Variants in CSMD1 observed in about 807,000 individuals in gnomAD.
CSMD1 encodes the protein CUB and Sushi multiple domains 1.
CSMD1 carries 213 observed loss-of-function variants against 417.5 expected under a neutral mutation model. The ratio of observed to expected loss-of-function variants is 0.51; its 90% CI spans 0.46 to 0.57. CSMD1 has a LOEUF of 0.57. Among genes scored for constraint, CSMD1 ranks in the 20% least tolerant of loss-of-function variants. CSMD1 has a pLI of 0.00. For missense variants in CSMD1, 6,923 were observed against 4,529.7 expected (o/e 1.53, Z -15.17); for synonymous variants, 2,862 against 1,736.8 (o/e 1.65, Z -16.11).
At chr8:4,906,704 A>G (rs1805304450) in intron 1 of CSMD1, among the ~76,000 whole-genome samples, 1 of 152,014 alleles carries the variant, frequency 6.6e-6, no homozygotes, top group African/African-American at 2.4e-5. Flanking sequence ...CTACAGGCGC[A>G]TGCCACCATG....
rs1204600075 is a variant in CSMD1, at chr8:4,653,264, G to C, written c.86-15706C>G. On this transcript the variant is annotated intron_variant, in intron 1 of 69. Coordinates refer to ENST00000635120, the MANE Select transcript of CSMD1 (RefSeq NM_033225.6). ...TCGGGCTCCTATAAAGGAGTGATTG[G>C]ATCCACAGACTCCCAAGTAACTGAA... 2.0e-5 allele frequency among the ~76,000 whole-genome samples: 3 copies of C among 152,210 alleles called. No homozygotes were observed. In the East Asian group the frequency reaches 5.8e-4, roughly 29 times the overall value.
chr8:3,131,078 T>C (rs1437734341), intron 41 of CSMD1, among the ~76,000 whole-genome samples: 2 of 152,160 alleles, frequency 1.3e-5, no homozygotes, highest in Non-Finnish European at 2.9e-5. Context: ...AATAAGTTTC[T>C]CAAACTAATG....
chr8:3,360,400 C>T (rs1356507148), intron 20 of CSMD1, among the ~76,000 whole-genome samples: 1 of 152,216 alleles, frequency 6.6e-6, no homozygotes, highest in Non-Finnish European at 1.5e-5. Context: ...CTGGCTGTCA[C>T]CAGCCTCTTG....
At chr8:3,449,640 C>T (rs1029501239) in intron 12 of CSMD1, among the ~76,000 whole-genome samples, 2 of 152,018 alleles carry the variant, frequency 1.3e-5, no homozygotes, top group Non-Finnish European at 2.9e-5. Context: ...GCCTCAGCCT[C>T]CCAAGTAGCT....
At chr8:4,330,042 C>G (rs1469786712) in intron 3 of CSMD1, among the ~76,000 whole-genome samples, 4 of 152,172 alleles carry the variant, frequency 2.6e-5, no homozygotes, top group Non-Finnish European at 4.4e-5. Flanking sequence ...AATTAAACCT[C>G]TTTTCTTCAT....
chr8:3,184,949 G>C (rs1003784500), intron 36 of CSMD1, among the ~76,000 whole-genome samples: 1 of 152,154 alleles, frequency 6.6e-6, no homozygotes, highest in Admixed American at 6.5e-5. Flanking sequence ...CTACCACTTT[G>C]TTTTCAAGGT....
At chr8:4,246,919 C>G (rs1802748134) in intron 3 of CSMD1, among the ~76,000 whole-genome samples, 2 of 152,112 alleles carry the variant, frequency 1.3e-5, no homozygotes, top group African/African-American at 4.8e-5. Context: ...TTCAAAAAAT[C>G]TTTGTAAGAG....
Position 4,132,229 on chromosome 8 carries a change from T to C in CSMD1, c.416-100130A>G, listed in dbSNP as rs1455759891. On this transcript the variant is annotated intron_variant, in intron 3 of 69. Coordinates refer to ENST00000635120, the MANE Select transcript of CSMD1 (RefSeq NM_033225.6). ...TTTTTTTTTTTTCACGGGGTAGTAA[T>C]ACCCCTTTCTAACATCTAGCACTGC... 2.9e-5 allele frequency among the ~76,000 whole-genome samples: 4 copies of C among 138,424 alleles called. No individual in the cohort carries two copies. The South Asian group carries it at 6.9e-4, about 24-fold the overall frequency. The allele number at this position is 138,424 out of a possible 152,430, so 90.8% of individuals were successfully genotyped here. A position where few individuals can be genotyped will look rare whatever the true frequency, so the allele number is the denominator to read the frequency against.
intron 2 of CSMD1, among the ~76,000 whole-genome samples, chr8:4,530,135 G>A (rs375035950): frequency 1.5e-4 from 23 of 151,486 alleles, no homozygotes; most frequent in South Asian, 2.1e-4. Context: ...GGATGGTCTC[G>A]ATCTCCTGAC....
chr8:4,729,984 C>A (rs1809737396), intron 1 of CSMD1, among the ~76,000 whole-genome samples: 2 of 152,076 alleles, frequency 1.3e-5, no homozygotes, highest in African/African-American at 4.8e-5. Context: ...AATCACTTCT[C>A]CTCTCCCGAT....
intron 7 of CSMD1, among the ~76,000 whole-genome samples, chr8:3,677,303 G>A (rs1375435595): frequency 2.0e-5 from 3 of 152,180 alleles, no homozygotes; most frequent in Non-Finnish European, 4.4e-5. Flanking sequence ...AATGATTGAT[G>A]TAACAAAATG....
chr8:4,680,074 C>A (rs1338813122), intron 1 of CSMD1, among the ~76,000 whole-genome samples: 1 of 152,130 alleles, frequency 6.6e-6, no homozygotes, highest in Non-Finnish European at 1.5e-5. Context: ...ATGACATTAA[C>A]ATGATTTAAA....
At chr8:3,100,939 A>C (rs889916657) in intron 46 of CSMD1, among the ~76,000 whole-genome samples, 3 of 152,116 alleles carry the variant, frequency 2.0e-5, no homozygotes, top group African/African-American at 7.2e-5. Flanking sequence ...CAGCACATAT[A>C]GAAGGAAGCT....
intron 3 of CSMD1, among the ~76,000 whole-genome samples, chr8:4,251,400 G>C (rs567725062): frequency 2.6e-5 from 4 of 152,260 alleles, no homozygotes; most frequent in South Asian, 2.1e-4. Context: ...CTCCTATAAA[G>C]TTCTTGTATT....
intron 2 of CSMD1, among the ~76,000 whole-genome samples, chr8:4,574,470 C>G (rs758297718): frequency 6.6e-6 from 1 of 152,178 alleles, no homozygotes; most frequent in Non-Finnish European, 1.5e-5. Context: ...TCTAACCAGT[C>G]CCAGTGAAAT....
chr8:3,732,699 A>G (rs1796330657), intron 6 of CSMD1, among the ~76,000 whole-genome samples: 1 of 152,182 alleles, frequency 6.6e-6, no homozygotes, highest in Non-Finnish European at 1.5e-5. Flanking sequence ...AAAAAAGAAA[A>G]GTAAAAAATG....
In CSMD1 at chr8:3,214,558, G is replaced by C; in HGVS notation, c.4806C>G (p.Ile1602Met). 1 of 1,593,582 alleles carries C rather than the reference G, an allele frequency of 6.3e-7. No homozygotes were observed. The highest frequency in any genetic ancestry group is 8.5e-7 in the Non-Finnish European group (1 of 1,169,704). Residue 1602 changes from isoleucine to methionine, a missense_variant, in exon 30 of 70, where the codon ATC becomes ATG. By Grantham distance (10) the Ile-to-Met change is conservative (BLOSUM62 1). Coordinates refer to ENST00000635120, the MANE Select transcript of CSMD1 (RefSeq NM_033225.6). ...TCCCATCAGCCCCAATCACACAGGT[G>C]ATGGATGAGGGGTCAAGAATCTTAT... is the stretch of plus-strand genomic sequence containing the variant. The part of the protein sequence containing the change: ...SGYKILDPSS[I>M]TCVIGADGKP...
At chr8:4,124,445 C>G (rs1802651587) in intron 3 of CSMD1, among the ~76,000 whole-genome samples, 1 of 152,120 alleles carries the variant, frequency 6.6e-6, no homozygotes, top group Non-Finnish European at 1.5e-5. Context: ...AGGAAACCCA[C>G]GAAGCTGCAG....
intron 5 of CSMD1, among the ~76,000 whole-genome samples, chr8:3,988,525 C>T (rs12676941): frequency 0.13 from 20,349 of 152,188 alleles, 1,760 homozygotes; most frequent in East Asian, 0.24. Context: ...TTGTCAGAAA[C>T]AGAGAATCTC....
Sources: allele counts gnomAD v4.1 joint callset (sites outside exome capture counted in the v4.1 genomes callset), GRCh38; gene constraint gnomAD v4.1.1; transcripts MANE v1.5; gene names NCBI Gene and HGNC (gene_info 2026-07-23, HGNC 2026-07-21).